The following COPG2 variants were observed in gnomAD, a reference collection of about 807,000 sequenced individuals.
The protein encoded by COPG2 is coat protein complex I subunit gamma 2, also known as coatomer subunit gamma-2.
COPG2 carries 37 observed loss-of-function variants against 46.3 expected under a neutral mutation model. The ratio of observed to expected loss-of-function variants is 0.80; its 90% CI spans 0.61 to 1.05. The LOEUF is 1.05. Among genes scored for constraint, COPG2 ranks in the 50% least tolerant of loss-of-function variants. COPG2 has a pLI of 0.00. For synonymous variants in COPG2, 159 were observed against 129.7 expected (o/e 1.23, Z -1.53); for missense variants, 427 against 387.8 (o/e 1.10, Z -0.85).
intron 9 of COPG2, among the ~76,000 whole-genome samples, chr7:130,602,508 TGTTGCCCAGGTTGGA>T (rs1794655959): frequency 1.3e-5 from 2 of 152,282 alleles, no homozygotes; most frequent in South Asian, 4.1e-4. Flanking sequence ...AGTCTCACTC[TGTTGCCCAGGTTGGA>T]GTATAGTGGC....
At chr7:130,539,678 T>C (rs1277855321) in intron 20 of COPG2, among the ~76,000 whole-genome samples, 1 of 151,728 alleles carries the variant, frequency 6.6e-6, no homozygotes, top group African/African-American at 2.4e-5. Flanking sequence ...AGAAAGAATG[T>C]GGAAGTGGGA....
chr7:130,600,660 T>C (rs1327358586), intron 9 of COPG2, among the ~76,000 whole-genome samples: 1 of 152,230 alleles, frequency 6.6e-6, no homozygotes, highest in African/African-American at 2.4e-5. Context: ...GTATAGTTAG[T>C]ATACATTTTT....
In COPG2 at chr7:130,507,262, G is replaced by A. The variant is rs782792315; in HGVS notation, c.2485+12C>T. On this transcript the variant is annotated intron_variant, in intron 23 of 23. Transcript: ENST00000425248. ...AAGAAAATGGAAGGAAAATCTGATG[G>A]AAGCTTCTTACCTGCCAGATAGAGC... is the stretch of plus-strand genomic sequence containing the variant. 1 of 780,542 alleles carries A rather than the reference G, an allele frequency of 1.3e-6. No individual in the cohort carries two copies. Among genetic ancestry groups the A allele is most frequent in the East Asian group, 2.4e-5 (1 of 41,250 alleles). The allele number at this position is 780,542 out of a possible 1,614,324, so 48.4% of individuals were successfully genotyped here.
At chr7:130,586,488 A>G (rs1554447999) in intron 9 of COPG2, among the ~76,000 whole-genome samples, 2 of 152,086 alleles carry the variant, frequency 1.3e-5, no homozygotes, top group Admixed American at 1.3e-4. Context: ...TTTGAGACAG[A>G]GTCTCGCTGT....
At chr7:130,548,794 T>C (rs1273505116) in intron 18 of COPG2, among the ~76,000 whole-genome samples, 1 of 151,978 alleles carries the variant, frequency 6.6e-6, no homozygotes, top group Non-Finnish European at 1.5e-5. Flanking sequence ...GGCAGGCGCC[T>C]GTAGTCCCAG....
intron 5 of COPG2, among the ~76,000 whole-genome samples, chr7:130,620,519 G>A (rs747214374): frequency 6.6e-5 from 10 of 152,248 alleles, no homozygotes; most frequent in African/African-American, 2.2e-4. Flanking sequence ...TTTAAAAATT[G>A]TCTGGTGCTA....
At chr7:130,518,958 A>T (rs1478619713) in intron 20 of COPG2, among the ~76,000 whole-genome samples, 1 of 147,274 alleles carries the variant, frequency 6.8e-6, no homozygotes, top group East Asian at 2.0e-4. Flanking sequence ...GTGAGCCGAG[A>T]TGGCACCACT....
chr7:130,545,651 T>C (rs1470574204), intron 20 of COPG2, among the ~76,000 whole-genome samples: 13 of 152,162 alleles, frequency 8.5e-5, no homozygotes, highest in Non-Finnish European at 2.9e-5. Context: ...ATGGGTCAAA[T>C]ATAAACTTAC....
At chr7:130,605,574 A>G (rs1794712217) in intron 9 of COPG2, 3 of 387,712 alleles carry the variant, frequency 7.7e-6, no homozygotes, top group South Asian at 5.9e-5. Context: ...GGACTCAAAG[A>G]GAGGCCTTTA....
chr7:130,541,406 A>AAGGAGGGAGG lies in COPG2; in HGVS notation c.2149+6258_2149+6267dup, dbSNP rs1195118654. Among the ~76,000 whole-genome samples the AAGGAGGGAGG allele has an allele frequency of 3.0e-3, 448 of 151,730 alleles. 4 individuals carry two copies. Among genetic ancestry groups the AAGGAGGGAGG allele is most frequent in the African/African-American group, 0.01 (416 of 41,302 alleles). On this transcript the variant is annotated intron_variant, in intron 20 of 23. Coordinates refer to ENST00000425248, the MANE Select transcript of COPG2 (RefSeq NM_012133.6). ...AGAGCGTCTTGAAGACACGGGCCTT[A>AAGGAGGGAGG]AGGAGGGAGGAGGTGGGAGGAGGGT... is the stretch of plus-strand genomic sequence containing the variant.
chr7:130,519,984 A>G (rs1398830259), intron 20 of COPG2, among the ~76,000 whole-genome samples: 2 of 152,212 alleles, frequency 1.3e-5, no homozygotes, highest in Non-Finnish European at 2.9e-5. Flanking sequence ...AAGGAGATGA[A>G]TTAAGATAAA....
At chr7:130,623,838 T>C (rs917590306) in intron 5 of COPG2, among the ~76,000 whole-genome samples, 2 of 152,030 alleles carry the variant, frequency 1.3e-5, no homozygotes. Flanking sequence ...AATTGAAAAA[T>C]AAAACAATTT....
At chr7:130,613,048 T>C (rs1234294523) in intron 7 of COPG2, among the ~76,000 whole-genome samples, 4 of 152,218 alleles carry the variant, frequency 2.6e-5, no homozygotes, top group Admixed American at 2.0e-4. Context: ...AATTGCTCAA[T>C]GATCCTATAG....
At chr7:130,535,990 G>A (rs1799876256) in intron 20 of COPG2, among the ~76,000 whole-genome samples, 2 of 152,086 alleles carry the variant, frequency 1.3e-5, no homozygotes, top group African/African-American at 4.8e-5. Flanking sequence ...TCAGTGATAT[G>A]AAAAGAGGAG....
chr7:130,651,729 G>C (rs1795751810), intron 5 of COPG2, among the ~76,000 whole-genome samples: 1 of 150,960 alleles, frequency 6.6e-6, no homozygotes, highest in Non-Finnish European at 1.5e-5. Context: ...TGTTAGCCAG[G>C]ATGGTCTCGA....
At chr7:130,619,780 T>C (rs1320696931) in intron 5 of COPG2, among the ~76,000 whole-genome samples, 2 of 152,230 alleles carry the variant, frequency 1.3e-5, no homozygotes, top group Non-Finnish European at 2.9e-5. Context: ...AGTCTGCTTG[T>C]TGTCCCTGTA....
At chr7:130,524,306 G>A (rs1204202847) in intron 20 of COPG2, among the ~76,000 whole-genome samples, 1 of 152,044 alleles carries the variant, frequency 6.6e-6, no homozygotes, top group African/African-American at 2.4e-5. Flanking sequence ...CTGAGTTCAC[G>A]ACTTAGGCCA....
intron 9 of COPG2, chr7:130,603,687 C>A: frequency 2.7e-6 from 1 of 363,932 alleles, no homozygotes; most frequent in South Asian, 2.1e-5. Context: ...CACCATTACA[C>A]TCTGGCCTGG....
intron 4 of COPG2, among the ~76,000 whole-genome samples, chr7:130,659,627 C>A (rs370052530): frequency 3.3e-5 from 5 of 152,004 alleles, no homozygotes; most frequent in Non-Finnish European, 7.4e-5. Flanking sequence ...ATTATAAACA[C>A]TGCAGGCTGG....
Sources: allele counts gnomAD v4.1 joint callset (sites outside exome capture counted in the v4.1 genomes callset), GRCh38; gene constraint gnomAD v4.1.1; transcripts MANE v1.5; gene names NCBI Gene and HGNC (gene_info 2026-07-23, HGNC 2026-07-21).